The following FAM228B variants were observed in gnomAD, a reference collection of about 807,000 sequenced individuals.
FAM228B encodes the protein family with sequence similarity 228 member B, also known as protein FAM228B.
A neutral mutation model predicts 42.6 loss-of-function variants in FAM228B; 38 were observed. That is an observed-to-expected ratio of 0.89 (90% CI 0.69 to 1.17). The LOEUF is 1.17. FAM228B is among the 50% of genes most tolerant of loss of function. The pLI is 0.00. For missense variants in FAM228B, 344 were observed against 367.3 expected, an observed-to-expected ratio of 0.94 and a Z score of 0.52; for synonymous variants, 109 against 122.3, an observed-to-expected ratio of 0.89 and a Z score of 0.72.
chr2:24,104,610 G>A (rs1340513095), intron 3 of FAM228B, among the ~76,000 whole-genome samples: 1 of 151,734 alleles, frequency 6.6e-6, no homozygotes, highest in East Asian at 2.0e-4. Flanking sequence ...CAGCTAGAGG[G>A]TGCAGCTTTC....
At chr2:24,160,293 T>C (rs1667257262) in intron 7 of FAM228B, among the ~76,000 whole-genome samples, 1 of 152,154 alleles carries the variant, frequency 6.6e-6, no homozygotes, top group African/African-American at 2.4e-5. Flanking sequence ...CCCAGCTGGA[T>C]TTCTTTTTAT....
chr2:24,126,914 G>A (rs1205906259), intron 2 of FAM228B, among the ~76,000 whole-genome samples: 1 of 152,072 alleles, frequency 6.6e-6, no homozygotes, highest in African/African-American at 2.4e-5. Context: ...GTGAGCCACC[G>A]GGCGCCCGGC....
upstream of FAM228B, chr2:24,121,149 T>A (rs1172149645): frequency 6.2e-7 from 1 of 1,613,808 alleles, no homozygotes; most frequent in Non-Finnish European, 8.5e-7. Context: ...TCTCTTCAAA[T>A]CTTGAGCACT....
intron 1 of FAM228B, chr2:24,079,585 G>T: frequency 6.2e-7 from 1 of 1,614,088 alleles, no homozygotes; most frequent in Non-Finnish European, 8.5e-7. Context: ...GGCAGTTGAC[G>T]TTCTTCTCCC....
At chr2:24,133,518 A>G (rs2151017072) in intron 2 of FAM228B, among the ~76,000 whole-genome samples, 1 of 152,348 alleles carries the variant, frequency 6.6e-6, no homozygotes, top group Middle Eastern at 3.4e-3. Context: ...GAAGACAACT[A>G]CTTTCACTGA....
chr2:24,083,874 T>A (rs1381754178), intron 2 of FAM228B, among the ~76,000 whole-genome samples: 1 of 152,144 alleles, frequency 6.6e-6, no homozygotes, highest in Non-Finnish European at 1.5e-5. Flanking sequence ...TTTCCTTATC[T>A]GTAGAATTAA....
chr2:24,081,425 C>A (rs1391685116), intron 2 of FAM228B, among the ~76,000 whole-genome samples: 1 of 152,222 alleles, frequency 6.6e-6, no homozygotes, highest in African/African-American at 2.4e-5. Context: ...CCACCGAAAG[C>A]CAGTCCTTCT....
intron 3 of FAM228B, among the ~76,000 whole-genome samples, chr2:24,117,304 C>T (rs1382505824): frequency 6.6e-6 from 1 of 152,196 alleles, no homozygotes; most frequent in Non-Finnish European, 1.5e-5. Flanking sequence ...GCGTGAGCCA[C>T]TGCACAAACC....
chr2:24,123,424 C>T (rs539264777), upstream of FAM228B: 159 of 152,428 alleles, frequency 1.0e-3, no homozygotes, highest in African/African-American at 3.7e-3. Context: ...GCCCAATCCC[C>T]TTTGGGCCTG....
At chr2:24,134,933 A>G (rs1278716766) in intron 2 of FAM228B, among the ~76,000 whole-genome samples, 186 bp from the exon 3 acceptor site, 2 of 152,344 alleles carry the variant, frequency 1.3e-5, no homozygotes, top group East Asian at 3.9e-4. Flanking sequence ...AGCCTAGGCG[A>G]CAGAACAAGA....
chr2:24,096,431 A>G (rs1169613922), intron 3 of FAM228B: 1 of 152,184 alleles, frequency 6.6e-6, no homozygotes, highest in Non-Finnish European at 1.5e-5. Flanking sequence ...TGTAGAGAAT[A>G]CCTTAAATGA....
At chr2:24,160,982 G>A (rs1667271332) in intron 7 of FAM228B, among the ~76,000 whole-genome samples, 1 of 152,136 alleles carries the variant, frequency 6.6e-6, no homozygotes, top group Admixed American at 6.5e-5. Context: ...CTGATCCTTG[G>A]TTCTCAGTAA....
chr2:24,102,046 A>G (rs1220594127), intron 3 of FAM228B, among the ~76,000 whole-genome samples: 1 of 152,312 alleles, frequency 6.6e-6, no homozygotes, highest in Admixed American at 6.5e-5. Flanking sequence ...ATGGGAAAAA[A>G]ATTTCATCAT....
chr2:24,159,958 TGGTGTCTG>T (rs1184454825), intron 7 of FAM228B, among the ~76,000 whole-genome samples: 1 of 151,998 alleles, frequency 6.6e-6, no homozygotes, highest in Non-Finnish European at 1.5e-5. Flanking sequence ...TTCTCACTGC[TGGTGTCTG>T]GGTATGGGTT....
intron 3 of FAM228B, among the ~76,000 whole-genome samples, chr2:24,112,404 G>A (rs1010354244): frequency 4.6e-5 from 7 of 150,658 alleles, no homozygotes; most frequent in African/African-American, 1.7e-4. Context: ...GGGTTCAAGC[G>A]ATTCTTGTGC....
chr2:24,117,750 C>A (rs1665969130), intron 3 of FAM228B, among the ~76,000 whole-genome samples: 1 of 152,126 alleles, frequency 6.6e-6, no homozygotes, highest in Non-Finnish European at 1.5e-5. Context: ...GCCTGTAATT[C>A]TTTACTTCCC....
intron 3 of FAM228B, among the ~76,000 whole-genome samples, chr2:24,116,307 G>A (rs113009760): frequency 0.031 from 4,782 of 152,084 alleles, 103 homozygotes; most frequent in African/African-American, 0.064. Flanking sequence ...CAGCCTGAGC[G>A]ACAGAGCGAA....
chr2:24,138,941 G>C (rs1341472655), intron 4 of FAM228B, among the ~76,000 whole-genome samples: 1 of 126,816 alleles, frequency 7.9e-6, no homozygotes, highest in African/African-American at 2.8e-5. Context: ...GCAAGACTCT[G>C]TCTCAAAAAA....
chr2:24,093,957 T>G (rs1187612265), intron 2 of FAM228B, among the ~76,000 whole-genome samples: 1 of 151,570 alleles, frequency 6.6e-6, no homozygotes, highest in African/African-American at 2.4e-5. Context: ...AACCTTTGGG[T>G]ATATACCCAG....
Sources: gnomAD v4.1 joint callset for allele counts (sites outside exome capture counted in the v4.1 genomes callset) on GRCh38, gnomAD v4.1.1 for gene constraint, MANE v1.5 for transcripts, NCBI Gene and HGNC (gene_info 2026-07-23, HGNC 2026-07-21) for gene names.